PITPNC1: variants seen among roughly 807,000 people sequenced by gnomAD.
The protein encoded by PITPNC1 is cytoplasmic phosphatidylinositol transfer protein 1.
In PITPNC1, 18 loss-of-function variants were observed where a neutral mutation model predicts 44.7. That is an observed-to-expected ratio of 0.40 (90% CI 0.28 to 0.60). The LOEUF is 0.60. Ranked by LOEUF, PITPNC1 falls within the 20% of genes least tolerant of loss-of-function variation. The pLI is 0.39. For synonymous variants in PITPNC1, 141 were observed against 149.6 expected (o/e 0.94, Z 0.42); for missense variants, 290 against 418.4 (o/e 0.69, Z 2.68).
intron 5 of PITPNC1, among the ~76,000 whole-genome samples, chr17:67,614,846 C>G (rs1411018230): frequency 6.6e-6 from 1 of 151,128 alleles, no homozygotes; most frequent in East Asian, 1.9e-4. Flanking sequence ...GACCCCGTCT[C>G]TACTAAAAAA....
intron 1 of PITPNC1, among the ~76,000 whole-genome samples, chr17:67,452,118 A>G (rs1247198775): frequency 1.3e-5 from 2 of 151,448 alleles, no homozygotes; most frequent in Admixed American, 1.3e-4. Flanking sequence ...GATCCTCCCA[A>G]CGTCATCCTC....
rs59128496 is a variant in PITPNC1 at position 67,570,779 on chromosome 17, A to ATT, written c.295-7394_295-7393dup. Among the ~76,000 whole-genome samples the ATT allele has an allele frequency of 2.5e-3, 358 of 145,760 alleles. 3 individuals are homozygous for ATT. The highest frequency in any genetic ancestry group is 8.3e-3 in the South Asian group (37 of 4,484). On this transcript the variant is annotated intron_variant, in intron 4 of 8. Coordinates refer to ENST00000581322, the MANE Select transcript of PITPNC1 (RefSeq NM_012417.4). Reference sequence around the variant, plus strand: ...AGTCTGTTTTACTCCAAAAATCTGTATTTTTTTTTTTTTTCCTACTAAATC... The same window carrying ATT: ...AGTCTGTTTTACTCCAAAAATCTGTATTTTTTTTTTTTTTTTCCTACTAAATC...
At chr17:67,624,799 C>T (rs1261062912) in intron 5 of PITPNC1, among the ~76,000 whole-genome samples, 3 of 152,182 alleles carry the variant, frequency 2.0e-5, no homozygotes, top group Admixed American at 1.3e-4. Context: ...GCTGGGATTA[C>T]AGGTGTGAGC....
chr17:67,474,700 C>T (rs1391899945), intron 1 of PITPNC1, among the ~76,000 whole-genome samples: 1 of 152,144 alleles, frequency 6.6e-6, no homozygotes, highest in Non-Finnish European at 1.5e-5. Flanking sequence ...GTTGCCAAGG[C>T]TGGAGTGCAG....
chr17:67,685,957 T>A (rs557253625), intron 8 of PITPNC1, among the ~76,000 whole-genome samples: 24 of 151,886 alleles, frequency 1.6e-4, no homozygotes, highest in African/African-American at 5.8e-4. Context: ...CAGCCTCCCA[T>A]GTAGCTGGGA....
intron 1 of PITPNC1, among the ~76,000 whole-genome samples, chr17:67,463,189 AAAT>A (rs2039369357): frequency 2.3e-4 from 1 of 4,402 alleles, no homozygotes; most frequent in Non-Finnish European, 1.4e-3. Flanking sequence ...TCAGACTTAT[AAAT>A]ACTTCTGCAT....
chr17:67,551,390 G>T, intron 2 of PITPNC1, among the ~76,000 whole-genome samples: 1 of 152,130 alleles, frequency 6.6e-6, no homozygotes, highest in Admixed American at 6.6e-5. Flanking sequence ...CAGTTCTGGG[G>T]GCCGGAAACC....
chr17:67,496,016 A>G (rs2039948088), intron 1 of PITPNC1, among the ~76,000 whole-genome samples: 1 of 152,198 alleles, frequency 6.6e-6, no homozygotes, highest in Admixed American at 6.5e-5. Context: ...TTGACTCTTT[A>G]TGCTTATAAT....
chr17:67,571,290 G>C (rs2041053605), intron 4 of PITPNC1, among the ~76,000 whole-genome samples: 2 of 152,142 alleles, frequency 1.3e-5, no homozygotes. Context: ...AAATTAGCTG[G>C]GTGTGGTGGT....
At chr17:67,378,586 G>C (rs975521755) in intron 1 of PITPNC1, among the ~76,000 whole-genome samples, 2 of 152,158 alleles carry the variant, frequency 1.3e-5, no homozygotes. Flanking sequence ...CGTGGGCCCA[G>C]CCTCCCCTCC....
intron 1 of PITPNC1, among the ~76,000 whole-genome samples, chr17:67,381,326 CAAAA>C (rs1221190761): frequency 9.8e-5 from 5 of 51,160 alleles, no homozygotes; most frequent in East Asian, 6.5e-4. Flanking sequence ...AGACTCCACT[CAAAA>C]AAAAAAAAAA....
intron 8 of PITPNC1, chr17:67,687,162 T>G (rs1248183138): frequency 6.3e-7 from 1 of 1,580,672 alleles, no homozygotes; most frequent in Non-Finnish European, 8.7e-7. Context: ...GTGGATGACA[T>G]AGAGAGTCAT....
At chr17:67,443,540 C>T (rs1334587144) in intron 1 of PITPNC1, among the ~76,000 whole-genome samples, 1 of 149,500 alleles carries the variant, frequency 6.7e-6, no homozygotes, top group African/African-American at 2.5e-5. Context: ...TAAATGAATA[C>T]AATTTGACAC....
intron 6 of PITPNC1, chr17:67,632,477 C>T (rs1261848695): frequency 1.8e-6 from 1 of 545,248 alleles, no homozygotes; most frequent in East Asian, 3.2e-5. Context: ...CCAACTCTGC[C>T]ATCATTTTTG....
intron 1 of PITPNC1, among the ~76,000 whole-genome samples, chr17:67,383,529 G>A (rs1200963134): frequency 6.6e-6 from 1 of 152,116 alleles, no homozygotes; most frequent in Non-Finnish European, 1.5e-5. Flanking sequence ...GAACCTATTG[G>A]AAGGGTGGCC....
chr17:67,477,940 G>A (rs1473291004), intron 1 of PITPNC1, among the ~76,000 whole-genome samples: 1 of 152,150 alleles, frequency 6.6e-6, no homozygotes, highest in East Asian at 1.9e-4. Context: ...CCTGTGGGCT[G>A]CCTCTGGGTC....
chr17:67,691,691 AG>A (rs1221950244), intron 8 of PITPNC1, among the ~76,000 whole-genome samples: 1 of 152,200 alleles, frequency 6.6e-6, no homozygotes, highest in East Asian at 1.9e-4. Flanking sequence ...AGAATAAAAA[AG>A]TATATGTATT....
At chr17:67,473,689 A>C (rs2039583950) in intron 1 of PITPNC1, among the ~76,000 whole-genome samples, 1 of 152,104 alleles carries the variant, frequency 6.6e-6, no homozygotes, top group African/African-American at 2.4e-5. Context: ...AGTGATGCTC[A>C]TGCCTCAGCC....
At chr17:67,393,890 CTT>C (rs1389589875) in intron 1 of PITPNC1, among the ~76,000 whole-genome samples, 1 of 152,128 alleles carries the variant, frequency 6.6e-6, no homozygotes, top group Non-Finnish European at 1.5e-5. Context: ...AAAAATATAA[CTT>C]AAGTCAGTGT....
Sources: gnomAD v4.1 joint callset for allele counts (sites outside exome capture counted in the v4.1 genomes callset) on GRCh38, gnomAD v4.1.1 for gene constraint, MANE v1.5 for transcripts, NCBI Gene and HGNC (gene_info 2026-07-23, HGNC 2026-07-21) for gene names.